The following PDZD2 variants were observed in gnomAD, a reference collection of about 807,000 sequenced individuals.
PDZD2 encodes PDZ domain-containing protein 2.
PDZD2 carries 90 observed loss-of-function variants against 220.7 expected under a neutral mutation model. The observed-to-expected ratio is 0.41, with a 90% CI of 0.34 to 0.49. The LOEUF (loss-of-function observed/expected upper bound fraction) is 0.49. PDZD2 is among the 20% of genes least tolerant of loss of function. The probability of loss-of-function intolerance (pLI) is 0.28; values close to 1 mark genes in which losing one functional copy is unlikely to be tolerated. For synonymous variants in PDZD2, 1,375 were observed against 1,450.5 expected (o/e 0.95, Z 1.18); for missense variants, 3,174 against 3,608.5 (o/e 0.88, Z 3.08).
intron 2 of PDZD2, among the ~76,000 whole-genome samples, chr5:31,880,765 T>C (rs1739789017): frequency 6.7e-6 from 1 of 149,286 alleles, no homozygotes; most frequent in Non-Finnish European, 1.5e-5. Flanking sequence ...AGACACAGAG[T>C]AGAAAGGTAG....
At chr5:31,811,279 T>C (rs1271575485) in intron 2 of PDZD2, among the ~76,000 whole-genome samples, 2 of 152,152 alleles carry the variant, frequency 1.3e-5, no homozygotes, top group African/African-American at 4.8e-5. Flanking sequence ...GCCTTACTAG[T>C]GGCTTTTTTG....
chr5:31,896,350 GTGTGTGTGTGTGTGTGTA>G (rs1489006488), intron 2 of PDZD2, among the ~76,000 whole-genome samples: 1 of 151,088 alleles, frequency 6.6e-6, no homozygotes, highest in Non-Finnish European at 1.5e-5. Flanking sequence ...GTGTGTGTGT[GTGTGTGTGTGTGTGTGTA>G]TGTGTGTGTG....
At chr5:31,652,128 G>T (rs10063038) in intron 1 of PDZD2, among the ~76,000 whole-genome samples, 11,508 of 141,670 alleles carry the variant, frequency 0.081, 655 homozygotes, top group African/African-American at 0.16. Context: ...ACTGCGTCTG[G>T]CCTGGGTTTT....
intron 2 of PDZD2, among the ~76,000 whole-genome samples, chr5:31,869,548 A>T (rs993016391): frequency 6.6e-6 from 1 of 151,998 alleles, no homozygotes; most frequent in African/African-American, 2.4e-5. Flanking sequence ...TGGGCGACAG[A>T]GCGAGACTCT....
rs1289933256 is a variant in PDZD2 at position 32,108,904 on chromosome 5, A to C, written c.*769A>C. ...TAGCACTTCTGATAAGCTGTATTAA[A>C]TAGCCATGAGCTTCACTGCTTAGAG... On this transcript the variant is annotated 3_prime_UTR_variant, in exon 25 of 25. Transcript: ENST00000438447. 2 of 152,542 alleles carry C rather than the reference A, an allele frequency of 1.3e-5. No homozygotes were observed. The highest frequency in any genetic ancestry group is 4.8e-5 in the African/African-American group (2 of 41,346). The allele number at this position is 152,542 out of a possible 1,614,324, so 9.4% of individuals were successfully genotyped here.
intron 1 of PDZD2, among the ~76,000 whole-genome samples, chr5:31,667,104 T>C (rs59530037): frequency 0.084 from 12,761 of 151,714 alleles, 695 homozygotes; most frequent in East Asian, 0.21. Context: ...GGCGTGGTGG[T>C]GGGCGCCTGT....
chr5:31,683,141 T>C (rs1208522879), intron 1 of PDZD2, among the ~76,000 whole-genome samples: 4 of 148,702 alleles, frequency 2.7e-5, no homozygotes, highest in African/African-American at 9.9e-5. Context: ...TTTTACAGCT[T>C]GGCTTTGGGT....
At chr5:32,064,181 AT>A (rs375708166) in intron 14 of PDZD2, among the ~76,000 whole-genome samples, 1 of 150,614 alleles carries the variant, frequency 6.6e-6, no homozygotes, top group Non-Finnish European at 1.5e-5. Flanking sequence ...ACTCAACCCA[AT>A]TTTTTTTTGT....
chr5:31,709,035 G>T (rs373081726), intron 1 of PDZD2, among the ~76,000 whole-genome samples: 1 of 151,624 alleles, frequency 6.6e-6, no homozygotes. Context: ...TTACAGGCAC[G>T]CACCACCACG....
rs768969565 is a variant in PDZD2 at position 32,048,541 on chromosome 5, G to A, written c.1522G>A (p.Gly508Ser). Residue 508 changes from glycine (G) to serine (S), a missense_variant and splice_region_variant, in exon 8 of 25, where the codon GGT becomes AGT. Gly to Ser is a moderately conservative substitution (Grantham distance 56). Transcript: ENST00000438447. ...KIKLKSRLSG[G>S]VHRLESVEEY... ...GTTTTCTCCTCTGTTTTCTCAAGGG[G>A]GTGTACACCGCCTTGAGTCAGTTGA... is the stretch of plus-strand genomic sequence containing the variant. 3 of 1,613,208 alleles carry A rather than the reference G, an allele frequency of 1.9e-6. No individual in the cohort carries two copies. Among genetic ancestry groups the A allele is most frequent in the Non-Finnish European group, 2.5e-6 (3 of 1,179,302 alleles).
At chr5:32,034,463 A>T (rs1014313929) in intron 6 of PDZD2, among the ~76,000 whole-genome samples, 3 of 148,936 alleles carry the variant, frequency 2.0e-5, no homozygotes, top group African/African-American at 5.0e-5. Flanking sequence ...GGCTCGAGCT[A>T]TTCTTGTGCC....
At chr5:31,873,840 C>G (rs979791950) in intron 2 of PDZD2, among the ~76,000 whole-genome samples, 1 of 151,958 alleles carries the variant, frequency 6.6e-6, no homozygotes, top group African/African-American at 2.4e-5. Flanking sequence ...AAGCCATTCT[C>G]CTGCCTTAGC....
At chr5:31,920,262 T>C (rs1744097974) in intron 2 of PDZD2, among the ~76,000 whole-genome samples, 1 of 151,386 alleles carries the variant, frequency 6.6e-6, no homozygotes, top group Admixed American at 6.6e-5. Context: ...CCAGCCTTGG[T>C]AACAGAGTGA....
chr5:31,765,346 T>A (rs2150191591), intron 1 of PDZD2, among the ~76,000 whole-genome samples: 1 of 152,292 alleles, frequency 6.6e-6, no homozygotes, highest in South Asian at 2.1e-4. Flanking sequence ...CACACTTCCC[T>A]CTAGTTTGCA....
chr5:31,751,314 T>C (rs1349478866), intron 1 of PDZD2, among the ~76,000 whole-genome samples: 2 of 148,520 alleles, frequency 1.3e-5, no homozygotes, highest in Non-Finnish European at 3.0e-5. Context: ...GCGATGGGGG[T>C]TAGAGCAGGA....
chr5:31,660,811 C>T (rs185243118), intron 1 of PDZD2, among the ~76,000 whole-genome samples: 2 of 152,306 alleles, frequency 1.3e-5, no homozygotes, highest in African/African-American at 2.4e-5. Context: ...CAGCTTTAAA[C>T]TCTTGAGCTC....
At position 32,087,967 on chromosome 5, in the gene PDZD2, A is replaced by G. The variant is rs141428152; in HGVS notation, c.4519A>G (p.Ile1507Val). The G allele has an allele frequency of 6.5e-4, 1,042 of 1,614,160 alleles. 3 individuals carry two copies. The highest frequency in any genetic ancestry group is 9.3e-4 in the African/African-American group (70 of 75,062). ...WASQPSVLDS[I>V]NPDKHFTVNK... ...CTCCCAGCCTTCGGTTTTAGATTCA[A>G]TTAATCCCGACAAACATTTTACTGT... The change falls in exon 20 of 25, where the codon ATT (isoleucine) becomes GTT (valine). Residue 1507 changes from isoleucine (I) to valine (V), a missense_variant. By Grantham distance (29) the Ile-to-Val change is conservative. Coordinates refer to ENST00000438447, the MANE Select transcript of PDZD2 (RefSeq NM_178140.4). The surrounding 1 kb of genome is among the most constrained non-coding windows in gnomAD (Gnocchi z 4.0).
intron 14 of PDZD2, among the ~76,000 whole-genome samples, chr5:32,065,898 C>T (rs372082103): frequency 8.5e-5 from 13 of 152,190 alleles, no homozygotes; most frequent in African/African-American, 2.4e-4. Context: ...TGGTGGCAGG[C>T]GCCTGTAATC....
chr5:31,920,570 A>T lies in PDZD2; in HGVS notation c.477-62585A>T, dbSNP rs553933194. Among the ~76,000 whole-genome samples the T allele has an allele frequency of 1.2e-4, 18 of 151,660 alleles. No homozygotes were observed. The South Asian group carries it at 3.8e-3, about 32-fold the overall frequency. ...ACCTGTAATCTGGGCTATAGGGAAG[A>T]CTGAGACAGGAAGATCACTTGAGGC... is the stretch of plus-strand genomic sequence containing the variant. On this transcript the variant is annotated intron_variant, in intron 2 of 24. Coordinates refer to ENST00000438447, the MANE Select transcript of PDZD2 (RefSeq NM_178140.4).
Sources: gnomAD v4.1 joint callset for allele counts (sites outside exome capture counted in the v4.1 genomes callset) on GRCh38, gnomAD v4.1.1 for gene constraint, Gnocchi (gnomAD v3.1) non-coding constraint, MANE v1.5 for transcripts, NCBI Gene and HGNC (gene_info 2026-07-23, HGNC 2026-07-21) for gene names.